Variants in PPFIBP2 observed in about 807,000 individuals in gnomAD.
PPFIBP2 encodes the protein PPFIB scaffold protein 2.
A neutral mutation model predicts 118.3 loss-of-function variants in PPFIBP2; 118 were observed. That is an observed-to-expected ratio of 1.00 (90% CI 0.86 to 1.16). The LOEUF (loss-of-function observed/expected upper bound fraction) is 1.16, where lower values mean the gene tolerates loss of function less well. Ranked by LOEUF, PPFIBP2 falls within the 50% of genes most tolerant of loss-of-function variation. PPFIBP2 has a pLI of 0.00. For synonymous variants in PPFIBP2, 414 were observed against 397.4 expected (o/e 1.04, Z -0.50); for missense variants, 1,195 against 1,073.1 (o/e 1.11, Z -1.59).
At chr11:7,664,059 G>T in the PPFIBP2 span, among the ~76,000 whole-genome samples, 1 of 152,174 alleles carries the variant, frequency 6.6e-6, no homozygotes, top group Non-Finnish European at 1.5e-5. Context: ...GCACTCCCTA[G>T]TGAGATGAAC....
chr11:7,602,087 CAAAAAA>C (rs201003988), intron 5 of PPFIBP2, among the ~76,000 whole-genome samples: 1,267 of 56,244 alleles, frequency 0.023, 22 homozygotes, highest in African/African-American at 0.073. Context: ...GAATGAAACT[CAAAAAA>C]AAAAAAAAAA....
At chr11:7,564,308 A>G (rs1854694483) in intron 2 of PPFIBP2, among the ~76,000 whole-genome samples, 1 of 152,210 alleles carries the variant, frequency 6.6e-6, no homozygotes, top group South Asian at 2.1e-4. Context: ...GCATTTTGTC[A>G]GATTCCTTTT....
chr11:7,615,266 G>A (rs1848495226), intron 6 of PPFIBP2, among the ~76,000 whole-genome samples: 2 of 151,674 alleles, frequency 1.3e-5, no homozygotes. Context: ...AACCTGGGAG[G>A]TGGAGGTTGC....
chr11:7,660,695 T>C (rs1327742768), downstream of PPFIBP2, among the ~76,000 whole-genome samples: 4 of 151,208 alleles, frequency 2.6e-5, no homozygotes, highest in African/African-American at 2.4e-5. Context: ...TCTTTTTCTA[T>C]TGATTGGAAT....
At chr11:7,613,951 T>A (rs539732823) in intron 6 of PPFIBP2, among the ~76,000 whole-genome samples, 1 of 152,246 alleles carries the variant, frequency 6.6e-6, no homozygotes, top group East Asian at 1.9e-4. Context: ...AATGGAAACA[T>A]CTCACAGCAC....
At chr11:7,655,520 C>T (rs1203144761), downstream of PPFIBP2, 4 of 1,287,288 alleles carry the variant, frequency 3.1e-6, no homozygotes, top group Admixed American at 4.6e-5. Flanking sequence ...ACCCTCTCCC[C>T]ACAGTCAGAC....
chr11:7,665,364 C>A, the PPFIBP2 span: 1 of 1,438,834 alleles, frequency 7.0e-7, no homozygotes, highest in Non-Finnish European at 9.2e-7. Context: ...TTGCTGAGCA[C>A]GTGGAGGTGT....
At chr11:7,549,702 GAT>G (rs1267130850) in intron 2 of PPFIBP2, among the ~76,000 whole-genome samples, 163 bp downstream of exon 2, 2 of 119,922 alleles carry the variant, frequency 1.7e-5, no homozygotes, top group African/African-American at 6.5e-5. Flanking sequence ...TTTTTTCTTT[GAT>G]ACGAACTTAT....
chr11:7,665,890 G>C, the PPFIBP2 span: 2 of 1,536,034 alleles, frequency 1.3e-6, no homozygotes, highest in African/African-American at 1.4e-5. Flanking sequence ...GGTGTTAGTG[G>C]AACTGCGCAG....
intron 3 of PPFIBP2, among the ~76,000 whole-genome samples, chr11:7,575,580 T>TCTAC (rs1363068150): frequency 1.3e-5 from 2 of 152,238 alleles, no homozygotes; most frequent in Non-Finnish European, 2.9e-5. Context: ...AATCAGCTTG[T>TCTAC]CTACCTCCTC....
At chr11:7,570,394 A>G (rs1278482775) in intron 3 of PPFIBP2, among the ~76,000 whole-genome samples, 2 of 152,196 alleles carry the variant, frequency 1.3e-5, no homozygotes, top group Non-Finnish European at 2.9e-5. Context: ...ACAGTATGTT[A>G]TGTACACCCT....
At chr11:7,665,431 C>A in the PPFIBP2 span, 5 of 1,612,322 alleles carry the variant, frequency 3.1e-6, no homozygotes, top group South Asian at 3.3e-5. Context: ...TAGGGTGAGC[C>A]GCCGTCTGGA....
intron 2 of PPFIBP2, 55 bp downstream of exon 2, chr11:7,549,594 G>T: frequency 5.8e-6 from 8 of 1,370,182 alleles, no homozygotes; most frequent in South Asian, 4.7e-5. Context: ...TCCAGGAACT[G>T]CTTCTCTCCT....
chr11:7,590,977 T>G (rs1354960916), intron 3 of PPFIBP2, among the ~76,000 whole-genome samples: 2 of 152,190 alleles, frequency 1.3e-5, no homozygotes, highest in Non-Finnish European at 2.9e-5. Context: ...CGGATCCTGT[T>G]AACTGATTGT....
intron 10 of PPFIBP2, among the ~76,000 whole-genome samples, chr11:7,630,185 G>A (rs955220367): frequency 3.3e-5 from 5 of 152,236 alleles, no homozygotes; most frequent in African/African-American, 1.2e-4. Flanking sequence ...GGGCTGCTTT[G>A]AAGGATATTC....
intron 4 of PPFIBP2, among the ~76,000 whole-genome samples, chr11:7,595,109 A>C (rs559946703): frequency 5.9e-5 from 9 of 152,252 alleles, no homozygotes; most frequent in African/African-American, 9.6e-5. Flanking sequence ...AGTGCATTCC[A>C]GGCAGAGCAG....
chr11:7,556,853 C>G (rs934515831), intron 2 of PPFIBP2, among the ~76,000 whole-genome samples: 1 of 152,156 alleles, frequency 6.6e-6, no homozygotes, highest in Admixed American at 6.5e-5. Flanking sequence ...TGTCTTCTGT[C>G]TCTGGTTGTT....
chr11:7,625,809 C>G lies in PPFIBP2; in HGVS notation c.744C>G (p.Ala248=), dbSNP rs1849927614. 1.3e-5 allele frequency: 21 copies of G among 1,614,084 alleles called. No individual in the cohort carries two copies. The highest frequency in any genetic ancestry group is 2.7e-5 in the African/African-American group (2 of 74,936). Residue 248 remains alanine (A), a synonymous_variant, in exon 8 of 24, where the codon GCC becomes GCG. Coordinates refer to ENST00000299492, the MANE Select transcript of PPFIBP2 (RefSeq NM_003621.5). ...AEVAQLQEQV[A]LKDAEIERLH... ...TCGCCCAGCTGCAAGAACAGGTGGC[C>G]CTGAAAGATGCAGAAATTGAGCGTC...
At chr11:7,564,675 C>T (rs759431124) in intron 2 of PPFIBP2, among the ~76,000 whole-genome samples, 5 of 152,256 alleles carry the variant, frequency 3.3e-5, no homozygotes, top group South Asian at 2.1e-4. Context: ...TGGTGTCAGT[C>T]GGGGTGGCTC....
Sources: allele counts gnomAD v4.1 joint callset (sites outside exome capture counted in the v4.1 genomes callset), GRCh38; gene constraint gnomAD v4.1.1; transcripts MANE v1.5; gene names NCBI Gene and HGNC (gene_info 2026-07-23, HGNC 2026-07-21).